ACP3: variants seen among roughly 807,000 people sequenced by gnomAD.
ACP3 encodes the protein acid phosphatase 3, also known as prostatic acid phosphatase.
Under a neutral mutation model 45.6 loss-of-function variants are expected in ACP3, and 38 were observed. The ratio of observed to expected loss-of-function variants is 0.83; its 90% confidence interval spans 0.64 to 1.09. ACP3 has a LOEUF of 1.09. Ranked by LOEUF, ACP3 falls within the 50% of genes least tolerant of loss-of-function variation. The probability of loss-of-function intolerance (pLI) is 0.00; values close to 1 mark genes in which losing one functional copy is unlikely to be tolerated. For missense variants in ACP3, 466 were observed against 463.2 expected (o/e 1.01, Z -0.05); for synonymous variants, 162 against 164.7 (o/e 0.98, Z 0.13).
intron 4 of ACP3, among the ~76,000 whole-genome samples, chr3:132,334,220 G>A (rs1437819780): frequency 1.3e-5 from 2 of 152,184 alleles, no homozygotes; most frequent in Non-Finnish European, 2.9e-5. Flanking sequence ...AGTAGAAGAG[G>A]AGGAAAGAAA....
At chr3:132,327,255 C>A (rs1465912381) in intron 1 of ACP3, among the ~76,000 whole-genome samples, 2 of 152,206 alleles carry the variant, frequency 1.3e-5, no homozygotes, top group Non-Finnish European at 2.9e-5. Flanking sequence ...GTGGCTCATG[C>A]CTGTAATCCC....
In ACP3 at chr3:132,357,746, A is replaced by T; in HGVS notation, c.*868A>T. 1.0e-6 allele frequency: 1 copy of T among 985,294 alleles called. No homozygotes were observed. Among genetic ancestry groups the T allele is most frequent in the South Asian group, 4.7e-5 (1 of 21,276 alleles). 61.0% of individuals were successfully genotyped at this position (985,294 alleles called of 1,614,324 possible). A position where few individuals can be genotyped will look rare whatever the true frequency, so the allele number is the denominator to read the frequency against. ...ATAAGAGATGTTGACTCTAAAGTTG[A>T]TTTAAGGCCAGGCATGGTGGTTTAC... On this transcript the variant is annotated 3_prime_UTR_variant, in exon 10 of 10. Coordinates refer to ENST00000336375, the MANE Select transcript of ACP3 (RefSeq NM_001099.5).
chr3:132,333,557 G>A (rs61052419), intron 4 of ACP3: 8,128 of 152,624 alleles, frequency 0.053, 283 homozygotes, highest in Middle Eastern at 0.16. Flanking sequence ...GCTGCATCTA[G>A]GGACTTAGGG....
chr3:132,321,242 C>T (rs893657913), intron 1 of ACP3, among the ~76,000 whole-genome samples: 1 of 151,140 alleles, frequency 6.6e-6, no homozygotes, highest in Non-Finnish European at 1.5e-5. Flanking sequence ...TTTGGAAAGC[C>T]GAAACAGAAG....
chr3:132,331,834 A>G (rs1045550680), intron 3 of ACP3, 101 bp downstream of exon 3: 4 of 1,044,464 alleles, frequency 3.8e-6, no homozygotes, highest in Non-Finnish European at 5.6e-6. Flanking sequence ...GAACTTATAC[A>G]AGTCAGAGGT....
chr3:132,323,214 A>G (rs1937236296), intron 1 of ACP3, among the ~76,000 whole-genome samples: 1 of 152,172 alleles, frequency 6.6e-6, no homozygotes, highest in East Asian at 1.9e-4. Context: ...ATAAATAAGG[A>G]TGATGATCAA....
At chr3:132,346,430 T>A (rs757687648) in intron 7 of ACP3, among the ~76,000 whole-genome samples, 2 of 152,082 alleles carry the variant, frequency 1.3e-5, no homozygotes, top group Non-Finnish European at 1.5e-5. Flanking sequence ...CCTGATTGCA[T>A]GGCACAGAGA....
At position 132,343,224 on chromosome 3, in the gene ACP3, T is replaced by C. The variant is rs71315648; in HGVS notation, c.648+580T>C. On this transcript the variant is annotated intron_variant, in intron 6 of 9. Transcript: ENST00000336375. ...CCTTCTGGCCAAAAGGAGTACTCTC[T>C]GTTCCTGTTTTCCCAACTAGCTCAC... is the stretch of plus-strand genomic sequence containing the variant. Among the ~76,000 whole-genome samples the C allele has an allele frequency of 9.3e-3, 1,416 of 152,336 alleles. 14 individuals are homozygous for C. Among genetic ancestry groups the C allele is most frequent in the Non-Finnish European group, 0.013 (860 of 68,028 alleles).
chr3:132,350,118 C>A lies in ACP3; in HGVS notation c.864+116C>A, dbSNP rs1315894220. On this transcript the variant is annotated intron_variant, in intron 8 of 9. Transcript: ENST00000336375. Reference sequence around the variant, plus strand: ...CCCATCTCCTTGTACGTGGTAGGCACTTGCACAAAGCTTTTAGAATTAAAT... The same window carrying A: ...CCCATCTCCTTGTACGTGGTAGGCAATTGCACAAAGCTTTTAGAATTAAAT... 5 of 684,186 alleles carry A rather than the reference C, an allele frequency of 7.3e-6. No homozygotes were observed. In the East Asian group the frequency reaches 1.3e-4, roughly 18 times the overall value. 42.4% of individuals were successfully genotyped at this position (684,186 alleles called of 1,614,324 possible). A position where few individuals can be genotyped will look rare whatever the true frequency, so the allele number is the denominator to read the frequency against.
Position 132,327,514 on chromosome 3 carries a change from GAA to G in ACP3, c.121-740_121-739del, listed in dbSNP as rs111653948. ...AGATGACAGAGCAAGACTCAGTCTC[GAA>G]AAAAAAAAAAAAGTTATACTAGTTG... is the stretch of plus-strand genomic sequence containing the variant. On this transcript the variant is annotated intron_variant, in intron 1 of 9. Transcript: ENST00000336375. Among the ~76,000 whole-genome samples the G allele has an allele frequency of 5.4e-5, 7 of 130,732 alleles. No individual in the cohort carries two copies. The East Asian group carries it at 1.1e-3, about 21-fold the overall frequency. The allele number at this position is 130,732 out of a possible 152,430, so 85.8% of individuals were successfully genotyped here.
intron 5 of ACP3, among the ~76,000 whole-genome samples, chr3:132,339,506 T>A (rs11706011): frequency 0.11 from 16,890 of 152,216 alleles, 1,155 homozygotes; most frequent in Non-Finnish European, 0.15. Context: ...AGTCCAGACC[T>A]CCAAACTTCT....
chr3:132,335,586 T>C (rs774005741), intron 4 of ACP3, among the ~76,000 whole-genome samples: 6 of 151,980 alleles, frequency 3.9e-5, no homozygotes, highest in African/African-American at 4.8e-5. Context: ...AGAAGTAAAA[T>C]AAAATAATGT....
At chr3:132,367,910 G>C in exon 11 of ACP3, 1 of 1,001,548 alleles carries the variant, frequency 1.0e-6, no homozygotes, top group Non-Finnish European at 1.6e-6. Context: ...TTGCCATGTG[G>C]GCATTGCCAT....
At position 132,364,437 on chromosome 3, in the gene ACP3, A is replaced by C. The variant is rs548870312; in HGVS notation, c.1139-3267A>C. On this transcript the variant is annotated intron_variant, in intron 10 of 10. Coordinates refer to the ACP3 transcript ENST00000351273. Reference sequence around the variant, plus strand: ...GAAGCCTGTATTCCAGTCATGTGTAACTCCTCATTATGTCCTAAACATGCC... The same window carrying C: ...GAAGCCTGTATTCCAGTCATGTGTACCTCCTCATTATGTCCTAAACATGCC... Among the ~76,000 whole-genome samples the C allele has an allele frequency of 6.6e-5, 10 of 151,686 alleles. No homozygotes were observed. The South Asian group carries it at 1.9e-3, about 28-fold the overall frequency.
chr3:132,324,447 G>T (rs1030338682), intron 1 of ACP3, among the ~76,000 whole-genome samples: 1 of 151,960 alleles, frequency 6.6e-6, no homozygotes, highest in African/African-American at 2.4e-5. Flanking sequence ...GGGAAACAGT[G>T]GGCCAACTAT....
At chr3:132,360,325 A>AC (rs1938017050), downstream of ACP3, among the ~76,000 whole-genome samples, 1 of 149,812 alleles carries the variant, frequency 6.7e-6, no homozygotes, top group Non-Finnish European at 1.5e-5. Flanking sequence ...GAAAAAAAAA[A>AC]AAAAACAATA....
At chr3:132,366,975 TC>T (rs1364090454) in intron 10 of ACP3, among the ~76,000 whole-genome samples, 1 of 152,320 alleles carries the variant, frequency 6.6e-6, no homozygotes, top group Non-Finnish European at 1.5e-5. Context: ...ATGTTTGCTC[TC>T]CTATTGCCTA....
intron 4 of ACP3, among the ~76,000 whole-genome samples, chr3:132,334,970 T>C (rs989850723): frequency 6.6e-6 from 1 of 151,984 alleles, no homozygotes; most frequent in Non-Finnish European, 1.5e-5. Flanking sequence ...TCAAGTTAGT[T>C]AAAAAATGGA....
chr3:132,353,263 G>A (rs1472598763), intron 9 of ACP3, among the ~76,000 whole-genome samples: 1 of 152,160 alleles, frequency 6.6e-6, no homozygotes, highest in East Asian at 1.9e-4. Flanking sequence ...CTACCTCTGT[G>A]TGACCTGGTG....
Sources: allele counts gnomAD v4.1 joint callset (sites outside exome capture counted in the v4.1 genomes callset), GRCh38; gene constraint gnomAD v4.1.1; transcripts MANE v1.5; gene names NCBI Gene and HGNC (gene_info 2026-07-23, HGNC 2026-07-21).